The following TIMP2 variants were observed in gnomAD, a reference collection of about 807,000 sequenced individuals.
TIMP2 encodes the protein TIMP metallopeptidase inhibitor 2.
Under a neutral mutation model 24.3 loss-of-function variants are expected in TIMP2, and 5 were observed. The ratio of observed to expected loss-of-function variants is 0.21; its 90% CI spans 0.11 to 0.43. TIMP2 has a LOEUF of 0.43. Among genes scored for constraint, TIMP2 ranks in the 20% least tolerant of loss-of-function variants. The pLI, the probability that TIMP2 is intolerant of heterozygous loss-of-function variation, is 1.00. For synonymous variants in TIMP2, 130 were observed against 123.2 expected (o/e 1.06, Z -0.37); for missense variants, 221 against 297.5 (o/e 0.74, Z 1.89).
intron 1 of TIMP2, among the ~76,000 whole-genome samples, chr17:78,893,008 C>T (rs1376087913): frequency 6.6e-6 from 1 of 151,958 alleles, no homozygotes; most frequent in Non-Finnish European, 1.5e-5. Flanking sequence ...GAGAATTGAT[C>T]GTAAAGGAAA....
intron 1 of TIMP2, among the ~76,000 whole-genome samples, chr17:78,911,894 C>CAAAAAA (rs60505603): frequency 8.9e-6 from 1 of 112,098 alleles, no homozygotes; most frequent in African/African-American, 3.2e-5. Context: ...AAAAACACAC[C>CAAAAAA]AAAAAAAAAA....
At chr17:78,869,100 A>G (rs2069644839) in intron 3 of TIMP2, among the ~76,000 whole-genome samples, 1 of 152,198 alleles carries the variant, frequency 6.6e-6, no homozygotes, top group Non-Finnish European at 1.5e-5. Context: ...CCGTAGAAGG[A>G]AGTAAGGGAA....
intron 1 of TIMP2, among the ~76,000 whole-genome samples, chr17:78,883,522 G>C (rs958438872): frequency 2.6e-5 from 4 of 152,322 alleles, no homozygotes; most frequent in Middle Eastern, 3.4e-3. Context: ...GTAACAGGGT[G>C]CACAACAGAG....
intron 1 of TIMP2, chr17:78,892,593 C>T (rs28408556): frequency 1.2e-5 from 16 of 1,384,844 alleles, no homozygotes; most frequent in South Asian, 9.2e-5. Flanking sequence ...TCTCTTGACC[C>T]GTGCCCACCA....
At chr17:78,906,025 CCAGT>C (rs2070155384) in intron 1 of TIMP2, among the ~76,000 whole-genome samples, 1 of 152,170 alleles carries the variant, frequency 6.6e-6, no homozygotes, top group African/African-American at 2.4e-5. Flanking sequence ...GTACAGTAGC[CCAGT>C]AAGTGTGCAA....
chr17:78,891,863 T>C lies in TIMP2; in HGVS notation c.131-17944A>G. On this transcript the variant is annotated intron_variant, in intron 1 of 4. Coordinates refer to ENST00000262768, the MANE Select transcript of TIMP2 (RefSeq NM_003255.5). The surrounding 1 kb of genome is among the most constrained non-coding windows in gnomAD (Gnocchi z 4.5). ...CTTCTCAGGCGGGGCCAGGTGAGAA[T>C]TCATCCGACCCGTGGCTTTTGTAGT... is the stretch of plus-strand genomic sequence containing the variant. 4 of 1,550,670 alleles carry C rather than the reference T, an allele frequency of 2.6e-6. No individual in the cohort carries two copies. Among genetic ancestry groups the C allele is most frequent in the Non-Finnish European group, 3.5e-6 (4 of 1,146,998 alleles).
Position 78,924,968 on chromosome 17 carries a change from C to A in TIMP2, c.121G>T (p.Ala41Ser). The change falls in exon 1 of 5, where the codon GCA becomes TCA. Residue 41 changes from alanine to serine, a missense_variant. Physicochemically the swap from Ala to Ser is moderately conservative, Grantham distance 99. Coordinates refer to ENST00000262768, the MANE Select transcript of TIMP2 (RefSeq NM_003255.5). The surrounding 1 kb of genome is among the most constrained non-coding windows in gnomAD (Gnocchi z 5.3). The stretch of plus-strand genomic sequence containing the variant: ...GGTCGCCGCTCCTTACCTACATCTG[C>A]ATTGCAAAACGCCTGTTGCGGGTGC... ...PVHPQQAFCN[A>S]DVVIRAKAVS... is the part of the protein sequence containing the mutation. 7.7e-7 allele frequency: 1 copy of A among 1,299,258 alleles called. No homozygotes were observed. The highest frequency in any genetic ancestry group is 9.9e-7 in the Non-Finnish European group (1 of 1,014,008). 80.5% of individuals were successfully genotyped at this position (1,299,258 alleles called of 1,614,324 possible). A position where few individuals can be genotyped will look rare whatever the true frequency, so the allele number is the denominator to read the frequency against.
chr17:78,918,557 T>G (rs1380524259), intron 1 of TIMP2, among the ~76,000 whole-genome samples: 1 of 152,000 alleles, frequency 6.6e-6, no homozygotes, highest in Non-Finnish European at 1.5e-5. Flanking sequence ...CCGCCTTCCC[T>G]CCTCCCAGCA....
intron 2 of TIMP2, among the ~76,000 whole-genome samples, chr17:78,873,227 A>G (rs985789169): frequency 4.0e-5 from 6 of 151,770 alleles, no homozygotes; most frequent in Admixed American, 6.6e-5. Flanking sequence ...AGACCATGTT[A>G]GTTACTGTCA....
At chr17:78,917,700 C>T (rs1389984187) in intron 1 of TIMP2, among the ~76,000 whole-genome samples, 1 of 152,098 alleles carries the variant, frequency 6.6e-6, no homozygotes, top group Non-Finnish European at 1.5e-5. Flanking sequence ...AACCACAGAA[C>T]CTCCCAGGTC....
chr17:78,918,518 C>G (rs1040688386), intron 1 of TIMP2, among the ~76,000 whole-genome samples: 9 of 152,266 alleles, frequency 5.9e-5, no homozygotes, highest in Admixed American at 5.9e-4. Flanking sequence ...TGCTCCTGAC[C>G]ATCTCTCCAT....
intron 1 of TIMP2, among the ~76,000 whole-genome samples, chr17:78,894,201 C>CCT (rs199648461): frequency 1.7e-4 from 26 of 151,912 alleles, no homozygotes; most frequent in African/African-American, 5.1e-4. Context: ...CTACCCCCCC[C>CCT]GGTTCACAGA....
chr17:78,925,355 G>A lies in TIMP2; in HGVS notation c.-267C>T, dbSNP rs1361128029. 2 of 152,090 alleles carry A rather than the reference G, an allele frequency of 1.3e-5. No homozygotes were observed. The highest frequency in any genetic ancestry group is 3.0e-5 in the Non-Finnish European group (2 of 67,492). 9.4% of individuals were successfully genotyped at this position (152,090 alleles called of 1,614,324 possible). A position where few individuals can be genotyped will look rare whatever the true frequency, so the allele number is the denominator to read the frequency against. ...CGGGCGAGCGGCGCTGCGGTTCTCG[G>A]CGGCCGCGCTGCCTTCTACGGATGT... On this transcript the variant is annotated 5_prime_UTR_variant, in exon 1 of 5. Transcript: ENST00000262768.
chr17:78,923,396 T>TGGGGGGGGGGGGGG (rs1255104339), intron 1 of TIMP2, among the ~76,000 whole-genome samples: 20 of 47,682 alleles, frequency 4.2e-4, no homozygotes, highest in Admixed American at 6.7e-4. Flanking sequence ...TGGGGCGGGG[T>TGGGGGGGGGGGGGG]GGGGGGGGGG....
chr17:78,871,041 G>A (rs905300342), intron 2 of TIMP2, 35 bp from the exon 3 acceptor site: 1 of 1,571,666 alleles, frequency 6.4e-7, no homozygotes, highest in Non-Finnish European at 8.7e-7. Context: ...GTAAGCAGAG[G>A]GAGGCCACAC....
chr17:78,892,116 C>G (rs1468373866), intron 1 of TIMP2: 2 of 1,551,278 alleles, frequency 1.3e-6, no homozygotes, highest in African/African-American at 2.7e-5. Flanking sequence ...TGCAGCCTGT[C>G]CAGGCCACCG....
intron 1 of TIMP2, among the ~76,000 whole-genome samples, chr17:78,918,078 A>ACACT (rs1555652984): frequency 2.9e-4 from 44 of 149,198 alleles, no homozygotes; most frequent in African/African-American, 6.4e-4. Context: ...ACACACACAC[A>ACACT]CACACACACA....
chr17:78,924,849 G>A lies in TIMP2; in HGVS notation c.130+110C>T. ...CGAGAAGGCGCCGAGGGACCAGGAG[G>A]CGGGCGCTGGGGTCCCTCGGCCAGC... On this transcript the variant is annotated intron_variant, in intron 1 of 4. Coordinates refer to ENST00000262768, the MANE Select transcript of TIMP2 (RefSeq NM_003255.5). This position sits in a 1 kb window ranked among gnomAD's most constrained non-coding sequence, Gnocchi z 5.3. 1.6e-6 allele frequency: 1 copy of A among 640,634 alleles called. No individual in the cohort carries two copies. The highest frequency in any genetic ancestry group is 2.0e-5 in the African/African-American group (1 of 51,008). The allele number at this position is 640,634 out of a possible 1,614,324, so 39.7% of individuals were successfully genotyped here.
At chr17:78,917,697 G>C (rs1414452363) in intron 1 of TIMP2, among the ~76,000 whole-genome samples, 1 of 152,086 alleles carries the variant, frequency 6.6e-6, no homozygotes, top group Non-Finnish European at 1.5e-5. Flanking sequence ...GACAACCACA[G>C]AACCTCCCAG....
Sources: gnomAD v4.1 joint callset for allele counts (sites outside exome capture counted in the v4.1 genomes callset) on GRCh38, gnomAD v4.1.1 for gene constraint, Gnocchi (gnomAD v3.1) non-coding constraint, MANE v1.5 for transcripts, NCBI Gene and HGNC (gene_info 2026-07-23, HGNC 2026-07-21) for gene names.